Variants in SPMIP3 observed in about 807,000 individuals in gnomAD.
The protein encoded by SPMIP3 is sperm microtubule inner protein 3.
chr1:244,378,827 C>T, the SPMIP3 span, among the ~76,000 whole-genome samples: 23 of 149,080 alleles, frequency 1.5e-4, no homozygotes, highest in South Asian at 5.0e-3. Flanking sequence ...TCCCCGCTAC[C>T]TAGTTCCCTG....
chr1:244,366,838 C>T, the SPMIP3 span, among the ~76,000 whole-genome samples: 1 of 152,104 alleles, frequency 6.6e-6, no homozygotes, highest in Non-Finnish European at 1.5e-5. Context: ...CGAGATCGCA[C>T]TACTGCACTC....
chr1:244,360,375 C>T, the SPMIP3 span, among the ~76,000 whole-genome samples: 64 of 152,122 alleles, frequency 4.2e-4, no homozygotes, highest in East Asian at 0.012. Context: ...GGGTATATAT[C>T]GAAGAGAAAG....
At chr1:244,374,587 C>T in the SPMIP3 span, among the ~76,000 whole-genome samples, 6,327 of 75,042 alleles carry the variant, frequency 0.084, 417 homozygotes, top group South Asian at 0.19. Flanking sequence ...CCACATTTCT[C>T]TTTTTTTTTT....
At chr1:244,363,430 G>A in the SPMIP3 span, among the ~76,000 whole-genome samples, 1 of 150,562 alleles carries the variant, frequency 6.6e-6, no homozygotes, top group African/African-American at 2.4e-5. Flanking sequence ...AATCAGATGT[G>A]ATATGAAATT....
chr1:244,366,365 C>T, the SPMIP3 span, among the ~76,000 whole-genome samples: 1 of 152,130 alleles, frequency 6.6e-6, no homozygotes, highest in Non-Finnish European at 1.5e-5. Context: ...CCAGGTCTCA[C>T]TATGTTGCCC....
At chr1:244,356,789 A>C in the SPMIP3 span, among the ~76,000 whole-genome samples, 5 of 152,222 alleles carry the variant, frequency 3.3e-5, no homozygotes, top group African/African-American at 1.2e-4. Context: ...TTCATAAATT[A>C]TAACTCACTC....
At chr1:244,363,080 T>A in the SPMIP3 span, among the ~76,000 whole-genome samples, 1 of 151,834 alleles carries the variant, frequency 6.6e-6, no homozygotes, top group South Asian at 2.1e-4. Context: ...AATGTAGTAG[T>A]TTGCTTGTGG....
At chr1:244,371,723 T>A in the SPMIP3 span, among the ~76,000 whole-genome samples, 2 of 152,200 alleles carry the variant, frequency 1.3e-5, no homozygotes, top group African/African-American at 4.8e-5. Flanking sequence ...GAAACCAGCA[T>A]CCTTTAGGTG....
chr1:244,353,704 A>G, the SPMIP3 span, among the ~76,000 whole-genome samples: 1 of 152,172 alleles, frequency 6.6e-6, no homozygotes, highest in Admixed American at 6.5e-5. Flanking sequence ...TAGAGAAGGA[A>G]AAAAGAAAGA....
the SPMIP3 span, among the ~76,000 whole-genome samples, chr1:244,363,527 A>T: frequency 6.6e-6 from 1 of 152,238 alleles, no homozygotes; most frequent in Non-Finnish European, 1.5e-5. Context: ...GCTTACAAAA[A>T]ATCCTCAGAA....
At chr1:244,365,331 G>A in the SPMIP3 span, among the ~76,000 whole-genome samples, 1 of 152,134 alleles carries the variant, frequency 6.6e-6, no homozygotes, top group African/African-American at 2.4e-5. Context: ...GGGACCTGGT[G>A]GGAGGTAACT....
the SPMIP3 span, among the ~76,000 whole-genome samples, chr1:244,362,503 T>C: frequency 6.6e-6 from 1 of 152,186 alleles, no homozygotes; most frequent in Middle Eastern, 3.2e-3. Flanking sequence ...TGGTACATAA[T>C]CCATGATTGT....
the SPMIP3 span, among the ~76,000 whole-genome samples, chr1:244,355,244 C>A: frequency 6.6e-6 from 1 of 152,170 alleles, no homozygotes; most frequent in East Asian, 1.9e-4. Flanking sequence ...GACGAAATAG[C>A]CCATGTGAAA....
chr1:244,382,766 G>A, the SPMIP3 span, among the ~76,000 whole-genome samples: 1 of 151,860 alleles, frequency 6.6e-6, no homozygotes, highest in Non-Finnish European at 1.5e-5. Context: ...ACCAGGCCCA[G>A]CTAATTTTTG....
chr1:244,371,006 G>C, the SPMIP3 span, among the ~76,000 whole-genome samples: 1 of 152,194 alleles, frequency 6.6e-6, no homozygotes, highest in Non-Finnish European at 1.5e-5. Flanking sequence ...AGAGAAGAGC[G>C]TGGTCACAGG....
the SPMIP3 span, among the ~76,000 whole-genome samples, chr1:244,375,868 T>C: frequency 7.9e-5 from 12 of 152,140 alleles, no homozygotes; most frequent in Admixed American, 1.3e-4. Flanking sequence ...GGTTTCACCA[T>C]GTTGGTCAGG....
chr1:244,371,637 C>G, the SPMIP3 span, among the ~76,000 whole-genome samples: 3 of 152,200 alleles, frequency 2.0e-5, no homozygotes, highest in Admixed American at 2.0e-4. Context: ...GTTTACTCAC[C>G]TGTATTCAGC....
the SPMIP3 span, among the ~76,000 whole-genome samples, chr1:244,377,881 C>G: frequency 1.3e-5 from 2 of 152,138 alleles, no homozygotes; most frequent in African/African-American, 4.8e-5. Context: ...TCTCGGCTCA[C>G]TGCAACCTCT....
the SPMIP3 span, among the ~76,000 whole-genome samples, chr1:244,379,226 C>G: frequency 3.4e-5 from 5 of 148,686 alleles, no homozygotes; most frequent in African/African-American, 1.3e-4. Context: ...CTGCGCCCGG[C>G]CTTTTTTTTT....
Sources: allele counts gnomAD v4.1 joint callset (sites outside exome capture counted in the v4.1 genomes callset), GRCh38; gene constraint gnomAD v4.1.1; transcripts MANE v1.5; gene names NCBI Gene and HGNC (gene_info 2026-07-23, HGNC 2026-07-21).